Variants in LRP1B observed in about 807,000 individuals in gnomAD.
LRP1B encodes low-density lipoprotein receptor-related protein 1B.
LRP1B carries 217 observed loss-of-function variants against 556.6 expected under a neutral mutation model. The observed-to-expected ratio is 0.39, with a 90% CI of 0.35 to 0.44. The LOEUF (loss-of-function observed/expected upper bound fraction) is 0.44, where lower values mean the gene tolerates loss of function less well. LRP1B is among the 20% of genes least tolerant of loss of function. LRP1B has a pLI of 1.00. For synonymous variants in LRP1B, 2,047 were observed against 1,865.8 expected, an observed-to-expected ratio of 1.10 and a Z score of -2.50; for missense variants, 5,053 against 5,620.8, an observed-to-expected ratio of 0.90 and a Z score of 3.23.
chr2:140,250,924 C>CA (rs1173089752), intron 86 of LRP1B, among the ~76,000 whole-genome samples: 1 of 151,696 alleles, frequency 6.6e-6, no homozygotes, highest in African/African-American at 2.4e-5. Context: ...CATGATCGCT[C>CA]AAAAGATAAA....
chr2:141,813,007 T>C (rs757930926), intron 1 of LRP1B, among the ~76,000 whole-genome samples: 1 of 152,050 alleles, frequency 6.6e-6, no homozygotes, highest in Non-Finnish European at 1.5e-5. Flanking sequence ...GGAATAATAG[T>C]AGAAATAACA....
At chr2:141,565,531 A>T (rs1686301501) in intron 2 of LRP1B, among the ~76,000 whole-genome samples, 1 of 152,150 alleles carries the variant, frequency 6.6e-6, no homozygotes, top group South Asian at 2.1e-4. Flanking sequence ...GGGATGCAAT[A>T]AAGATTTTAT....
At chr2:141,549,103 A>T (rs1478043091) in intron 2 of LRP1B, among the ~76,000 whole-genome samples, 1 of 152,178 alleles carries the variant, frequency 6.6e-6, no homozygotes, top group Non-Finnish European at 1.5e-5. Context: ...TAGCTGTTTC[A>T]TTGAGAAGAC....
intron 32 of LRP1B, among the ~76,000 whole-genome samples, chr2:140,804,503 G>A (rs1690640970): frequency 1.3e-5 from 2 of 151,966 alleles, no homozygotes; most frequent in Middle Eastern, 3.4e-3. Flanking sequence ...TGTGCAAGTT[G>A]AGCACTTAGA....
At chr2:141,631,148 G>C (rs563343811) in intron 2 of LRP1B, among the ~76,000 whole-genome samples, 1 of 152,188 alleles carries the variant, frequency 6.6e-6, no homozygotes, top group African/African-American at 2.4e-5. Context: ...TTACATGATG[G>C]GAGGAAGGAG....
chr2:141,964,663 A>G (rs1400543158), intron 1 of LRP1B, among the ~76,000 whole-genome samples: 2 of 150,212 alleles, frequency 1.3e-5, no homozygotes, highest in Admixed American at 6.6e-5. Flanking sequence ...CCTAGGCATT[A>G]CCATTCAGGA....
chr2:140,891,029 C>T (rs906789144), intron 23 of LRP1B, among the ~76,000 whole-genome samples: 9 of 152,018 alleles, frequency 5.9e-5, no homozygotes, highest in African/African-American at 1.2e-4. Context: ...ATCTCATAAA[C>T]GACTGAATTT....
intron 27 of LRP1B, among the ~76,000 whole-genome samples, chr2:140,852,458 A>C (rs1274148454): frequency 2.0e-5 from 3 of 152,248 alleles, no homozygotes; most frequent in Non-Finnish European, 4.4e-5. Flanking sequence ...AAGTTGCAAT[A>C]GATGTTGTTA....
At chr2:141,795,041 T>C (rs62158047) in intron 2 of LRP1B, among the ~76,000 whole-genome samples, 20,409 of 152,104 alleles carry the variant, frequency 0.13, 1,494 homozygotes, top group Non-Finnish European at 0.16. Flanking sequence ...ATGTAAATTG[T>C]ATTAATTGAT....
chr2:142,039,541 C>T (rs1038042306), intron 1 of LRP1B, among the ~76,000 whole-genome samples: 1 of 151,412 alleles, frequency 6.6e-6, no homozygotes, highest in Admixed American at 6.6e-5. Context: ...TAAAATAAGG[C>T]AGTAAATACA....
At chr2:141,932,631 A>G (rs1349059866) in intron 1 of LRP1B, among the ~76,000 whole-genome samples, 1 of 152,108 alleles carries the variant, frequency 6.6e-6, no homozygotes, top group Non-Finnish European at 1.5e-5. Context: ...ACAAAGTATT[A>G]ACTACAGAAC....
intron 41 of LRP1B, among the ~76,000 whole-genome samples, chr2:140,617,401 A>G (rs2105240977): frequency 6.6e-6 from 1 of 152,138 alleles, no homozygotes; most frequent in African/African-American, 2.4e-5. Flanking sequence ...ATCTAGTTAT[A>G]AAATAGATCT....
At chr2:142,004,719 G>T (rs1702750815) in intron 1 of LRP1B, among the ~76,000 whole-genome samples, 1 of 151,576 alleles carries the variant, frequency 6.6e-6, no homozygotes, top group Non-Finnish European at 1.5e-5. Context: ...GGTAGAAGGT[G>T]CCGGTAATCC....
intron 20 of LRP1B, among the ~76,000 whole-genome samples, chr2:140,945,748 T>C (rs988760402): frequency 7.9e-5 from 12 of 152,122 alleles, no homozygotes; most frequent in African/African-American, 2.9e-4. Context: ...AACTTTAAAC[T>C]ATAAAAATCC....
At position 140,514,651 on chromosome 2, in the gene LRP1B, A is replaced by G; in HGVS notation, c.8269+2T>C. 6.2e-7 allele frequency: 1 copy of G among 1,608,664 alleles called. No homozygotes were observed. Among genetic ancestry groups the G allele is most frequent in the Non-Finnish European group, 8.5e-7 (1 of 1,176,658 alleles). ...ATTGAGGACAGAAGATACACAACTT[A>G]CCACAAATGCTGTCACTTTCATCTA... On this transcript the variant is annotated splice_donor_variant, in intron 51 of 90. Coordinates refer to ENST00000389484, the MANE Select transcript of LRP1B (RefSeq NM_018557.3). LOFTEE classifies it high-confidence loss of function.
chr2:141,568,893 A>C (rs1686431459), intron 2 of LRP1B, among the ~76,000 whole-genome samples: 2 of 148,728 alleles, frequency 1.3e-5, no homozygotes, highest in East Asian at 1.9e-4. Flanking sequence ...ATCTGGGATC[A>C]CAGGTGTGTG....
chr2:140,413,134 C>T (rs774440527), intron 66 of LRP1B, among the ~76,000 whole-genome samples: 1 of 152,016 alleles, frequency 6.6e-6, no homozygotes, highest in Non-Finnish European at 1.5e-5. Context: ...AGACTGGTTC[C>T]ACTATTTTAG....
At chr2:141,463,580 A>AATTATATATAATATATAATATAT (rs1682016682) in intron 3 of LRP1B, among the ~76,000 whole-genome samples, 5 of 56,434 alleles carry the variant, frequency 8.9e-5, no homozygotes, top group East Asian at 9.1e-4. Flanking sequence ...TATTATATAT[A>AATTATATATAATATATAATATAT]ATTATATATA....
intron 35 of LRP1B, among the ~76,000 whole-genome samples, chr2:140,725,430 T>C (rs1687558845): frequency 6.6e-6 from 1 of 151,390 alleles, no homozygotes; most frequent in Admixed American, 6.6e-5. Context: ...TCTGGAAACA[T>C]GTCATAAGGA....
Sources: gnomAD v4.1 joint callset for allele counts (sites outside exome capture counted in the v4.1 genomes callset) on GRCh38, gnomAD v4.1.1 for gene constraint, MANE v1.5 for transcripts, NCBI Gene and HGNC (gene_info 2026-07-23, HGNC 2026-07-21) for gene names.